HCFC2: variants seen among roughly 807,000 people sequenced by gnomAD.
HCFC2 encodes host cell factor 2.
Under a neutral mutation model 89.2 loss-of-function variants are expected in HCFC2, and 18 were observed. The ratio of observed to expected loss-of-function variants is 0.20; its 90% CI spans 0.14 to 0.30. HCFC2 has a LOEUF of 0.30. Among genes scored for constraint, HCFC2 ranks in the 10% least tolerant of loss-of-function variants. The pLI is 1.00. For synonymous variants in HCFC2, 308 were observed against 335.7 expected (o/e 0.92, Z 0.90); for missense variants, 578 against 956.1 (o/e 0.60, Z 5.21).
rs747169742 is a variant in HCFC2, at chr12:104,102,164, G to A, written c.2064+11G>A. ...GTCAGAATTTCAAAGGTGAGACATC[G>A]GGTCAAGACTTGTTGGTGATTTTAA... On this transcript the variant is annotated intron_variant, in intron 14 of 14. Coordinates refer to ENST00000229330, the MANE Select transcript of HCFC2 (RefSeq NM_013320.3). 8.7e-6 allele frequency: 14 copies of A among 1,606,448 alleles called. No individual in the cohort carries two copies. Among genetic ancestry groups the A allele is most frequent in the African/African-American group, 2.7e-5 (2 of 74,680 alleles).
At position 104,098,498 on chromosome 12, in the gene HCFC2, T is replaced by G. The variant is rs1225140121; in HGVS notation, c.1878+18T>G. 1 of 1,576,392 alleles carries G rather than the reference T, an allele frequency of 6.3e-7. No individual in the cohort carries two copies. The highest frequency in any genetic ancestry group is 2.3e-5 in the East Asian group (1 of 44,302). On this transcript the variant is annotated intron_variant, in intron 13 of 14. Coordinates refer to ENST00000229330, the MANE Select transcript of HCFC2 (RefSeq NM_013320.3). ...TCTCAAAGGTAGCTATTGATATATT[T>G]TCTACATTGTAAATTATAAGCCTCA...
chr12:104,074,215 T>C (rs1883425642), intron 3 of HCFC2, among the ~76,000 whole-genome samples: 1 of 152,220 alleles, frequency 6.6e-6, no homozygotes, highest in Admixed American at 6.5e-5. Flanking sequence ...CACAGCTCTC[T>C]GCACCCTCGA....
intron 7 of HCFC2, among the ~76,000 whole-genome samples, chr12:104,085,537 G>T (rs1490292670): frequency 1.2e-4 from 18 of 152,066 alleles, no homozygotes; most frequent in Admixed American, 8.5e-4. Flanking sequence ...TTTAAAAATT[G>T]GATTTGAATG....
Position 104,105,981 on chromosome 12 carries a change from A to G in HCFC2, c.*2708A>G, listed in dbSNP as rs1164052818. On this transcript the variant is annotated 3_prime_UTR_variant, in exon 15 of 15. Coordinates refer to ENST00000229330, the MANE Select transcript of HCFC2 (RefSeq NM_013320.3). ...CTCATAAGTAGTAAAAATATTTTTGATGTTGCATGCTCTCAGAATTATGTT... is the reference window on the plus strand; with the variant it reads ...CTCATAAGTAGTAAAAATATTTTTGGTGTTGCATGCTCTCAGAATTATGTT... 6.6e-6 allele frequency: 1 copy of G among 152,070 alleles called. No homozygotes were observed. The highest frequency in any genetic ancestry group is 1.5e-5 in the Non-Finnish European group (1 of 67,952). 9.4% of individuals were successfully genotyped at this position (152,070 alleles called of 1,614,324 possible).
At chr12:104,092,625 T>A (rs1884054670) in intron 9 of HCFC2, among the ~76,000 whole-genome samples, 1 of 151,796 alleles carries the variant, frequency 6.6e-6, no homozygotes, top group Non-Finnish European at 1.5e-5. Context: ...ATATAAAAAA[T>A]TAGCCAGGCA....
At position 104,104,464 on chromosome 12, in the gene HCFC2, C is replaced by T. The variant is rs1180542416; in HGVS notation, c.*1191C>T. On this transcript the variant is annotated 3_prime_UTR_variant, in exon 15 of 15. Transcript: ENST00000229330. ...CCTATTTAAATCTGGAATTAATATA[C>T]AGAGCAATAATTGCAGAAAAGATAT... 1 of 151,966 alleles carries T rather than the reference C, an allele frequency of 6.6e-6. No individual in the cohort carries two copies. Among genetic ancestry groups the T allele is most frequent in the Non-Finnish European group, 1.5e-5 (1 of 67,872 alleles). The allele number at this position is 151,966 out of a possible 1,614,324, so 9.4% of individuals were successfully genotyped here. A position where few individuals can be genotyped will look rare whatever the true frequency, so the allele number is the denominator to read the frequency against.
chr12:104,096,551 A>T, intron 12 of HCFC2, 118 bp downstream of exon 12: 1 of 612,214 alleles, frequency 1.6e-6, no homozygotes, highest in Admixed American at 2.7e-5. Flanking sequence ...GAACTGACAT[A>T]AATTTAGAAA....
intron 1 of HCFC2, chr12:104,065,310 C>T (rs11611650): frequency 0.02 from 3,082 of 152,382 alleles, 56 homozygotes; most frequent in Admixed American, 0.03. Flanking sequence ...GGTGTGGACG[C>T]CCTTCTGGAC....
rs943842637 is a variant in HCFC2, at chr12:104,102,108, T to C, written c.2019T>C (p.Cys673=). The change falls in exon 14 of 15, where the codon TGT becomes TGC. Residue 673 remains cysteine (C), a synonymous_variant. Transcript: ENST00000229330. ...PFSKISEFKT[C]IPGFPGAPSA... ...GCAAAATCAGTGAATTTAAAACTTG[T>C]ATTCCTGGTTTTCCTGGAGCTCCTT... is the stretch of plus-strand genomic sequence containing the variant. 3.7e-6 allele frequency: 6 copies of C among 1,613,868 alleles called. No homozygotes were observed. In the African/African-American group the frequency reaches 8.0e-5, roughly 22 times the overall value.
intron 13 of HCFC2, among the ~76,000 whole-genome samples, chr12:104,101,317 C>T (rs961614924): frequency 1.3e-5 from 2 of 152,086 alleles, no homozygotes; most frequent in African/African-American, 2.4e-5. Context: ...AACCCCGTCT[C>T]TACTGAAAAA....
At chr12:104,079,304 TG>T in intron 3 of HCFC2, 140 bp from the exon 4 acceptor site, 1 of 644,482 alleles carries the variant, frequency 1.6e-6, no homozygotes. Context: ...GAATGAGGTT[TG>T]GGGTTTCTGC....
In HCFC2 at chr12:104,103,567, TAAGG is replaced by T. The variant is rs1565817670; in HGVS notation, c.*295_*298del. 6.2e-6 allele frequency: 2 copies of T among 320,104 alleles called. No homozygotes were observed. The highest frequency in any genetic ancestry group is 4.3e-5 in the African/African-American group (2 of 46,490). The allele number at this position is 320,104 out of a possible 1,614,324, so 19.8% of individuals were successfully genotyped here. A position where few individuals can be genotyped will look rare whatever the true frequency, so the allele number is the denominator to read the frequency against. ...AGCTTTATTACCCCAATATCTTTTA[TAAGG>T]GCTGTGTAACCCAGTCATCCTAGAG... On this transcript the variant is annotated 3_prime_UTR_variant, in exon 15 of 15. Coordinates refer to ENST00000229330, the MANE Select transcript of HCFC2 (RefSeq NM_013320.3).
intron 13 of HCFC2, 39 bp downstream of exon 13, chr12:104,098,519 C>A (rs1179869876): frequency 3.3e-6 from 5 of 1,521,256 alleles, no homozygotes; most frequent in Non-Finnish European, 3.5e-6. Flanking sequence ...AAATTATAAG[C>A]CTCAAGGATG....
At position 104,104,371 on chromosome 12, in the gene HCFC2, T is replaced by C. The variant is rs1241029359; in HGVS notation, c.*1098T>C. The C allele has an allele frequency of 6.6e-6, 1 of 152,058 alleles. No individual in the cohort carries two copies. The highest frequency in any genetic ancestry group is 1.5e-5 in the Non-Finnish European group (1 of 67,914). 9.4% of individuals were successfully genotyped at this position (152,058 alleles called of 1,614,324 possible). On this transcript the variant is annotated 3_prime_UTR_variant, in exon 15 of 15. Coordinates refer to ENST00000229330, the MANE Select transcript of HCFC2 (RefSeq NM_013320.3). ...TCCATTACAACCTTAAAGATACAGA[T>C]AGGCATTATAAACACTCTGCTACAG...
At chr12:104,079,766 T>C (rs1883623141) in intron 4 of HCFC2, 113 bp downstream of exon 4, 2 of 775,178 alleles carry the variant, frequency 2.6e-6, no homozygotes, top group Admixed American at 4.2e-5. Context: ...CCAGCACTTG[T>C]AGCCCCAGGG....
At chr12:104,073,815 A>G (rs958442702) in intron 3 of HCFC2, among the ~76,000 whole-genome samples, 2 of 152,184 alleles carry the variant, frequency 1.3e-5, no homozygotes, top group East Asian at 1.9e-4. Context: ...TAGGCTTTCT[A>G]TACCAGGGGT....
In HCFC2 at chr12:104,095,341, CT is replaced by C; in HGVS notation, c.1463-15del. The C allele has an allele frequency of 1.3e-6, 2 of 1,571,966 alleles. No individual in the cohort carries two copies. Among genetic ancestry groups the C allele is most frequent in the Non-Finnish European group, 1.7e-6 (2 of 1,142,996 alleles). Reference sequence around the variant, plus strand: ...CTGCAGATATCATATTAATAATTACCTTTTCCCTTTTATTTTAGGTCCTCAC... The same window carrying C: ...CTGCAGATATCATATTAATAATTACCTTTCCCTTTTATTTTAGGTCCTCAC... On this transcript the variant is annotated intron_variant, in intron 10 of 14. Transcript: ENST00000229330. This position sits in a 1 kb window ranked among gnomAD's most constrained non-coding sequence, Gnocchi z 4.2.
intron 9 of HCFC2, 97 bp downstream of exon 9, chr12:104,088,135 C>A: frequency 1.5e-6 from 1 of 675,514 alleles, no homozygotes; most frequent in Non-Finnish European, 2.4e-6. Flanking sequence ...GAAGAGGGGT[C>A]CTTAATCCTG....
rs952175881 is a variant in HCFC2, at chr12:104,106,423, G to T, written c.*3150G>T. On this transcript the variant is annotated 3_prime_UTR_variant, in exon 15 of 15. Coordinates refer to ENST00000229330, the MANE Select transcript of HCFC2 (RefSeq NM_013320.3). ...GACTTGGTCTTTGACCCTTTAAGGT[G>T]TAACTGACTGACTGTTGTGTTTTTC... 2.0e-5 allele frequency: 3 copies of T among 152,230 alleles called. No homozygotes were observed. Among genetic ancestry groups the T allele is most frequent in the South Asian group, 2.1e-4 (1 of 4,828 alleles). 9.4% of individuals were successfully genotyped at this position (152,230 alleles called of 1,614,324 possible). A position where few individuals can be genotyped will look rare whatever the true frequency, so the allele number is the denominator to read the frequency against.
Sources: gnomAD v4.1 joint callset for allele counts (sites outside exome capture counted in the v4.1 genomes callset) on GRCh38, gnomAD v4.1.1 for gene constraint, Gnocchi (gnomAD v3.1) non-coding constraint, MANE v1.5 for transcripts, NCBI Gene and HGNC (gene_info 2026-07-23, HGNC 2026-07-21) for gene names.